The following MACROD1 variants were observed in gnomAD, a reference collection of about 807,000 sequenced individuals.
MACROD1 encodes the protein ADP-ribose glycohydrolase MACROD1.
A neutral mutation model predicts 41.4 loss-of-function variants in MACROD1; 31 were observed. The ratio of observed to expected loss-of-function variants is 0.75; its 90% CI spans 0.56 to 1.01. MACROD1 has a LOEUF of 1.01. MACROD1 is among the 50% of genes least tolerant of loss of function. The pLI is 0.00. For missense variants in MACROD1, 473 were observed against 460.0 expected (o/e 1.03, Z -0.26); for synonymous variants, 252 against 203.4 (o/e 1.24, Z -2.03).
At chr11:64,068,901 G>C (rs1944055001) in intron 3 of MACROD1, among the ~76,000 whole-genome samples, 1 of 152,250 alleles carries the variant, frequency 6.6e-6, no homozygotes, top group African/African-American at 2.4e-5. Flanking sequence ...GACTTGGCGG[G>C]AAATGGGCAT....
intron 3 of MACROD1, among the ~76,000 whole-genome samples, chr11:64,100,542 G>A: frequency 6.6e-6 from 1 of 152,208 alleles, no homozygotes; most frequent in Non-Finnish European, 1.5e-5. Context: ...GAGCCAGAAG[G>A]GTGGCCACTG....
intron 3 of MACROD1, among the ~76,000 whole-genome samples, chr11:64,143,901 C>G (rs1413799839): frequency 6.6e-6 from 1 of 151,988 alleles, no homozygotes; most frequent in Non-Finnish European, 1.5e-5. Flanking sequence ...CTCTGAGCCT[C>G]CATTTCACCA....
chr11:64,102,805 C>T (rs1944693255), intron 3 of MACROD1, among the ~76,000 whole-genome samples: 1 of 152,160 alleles, frequency 6.6e-6, no homozygotes, highest in Admixed American at 6.5e-5. Context: ...TACAGTGGCT[C>T]ATGCCTGTAA....
chr11:64,050,049 T>G (rs1308595601), intron 3 of MACROD1, among the ~76,000 whole-genome samples: 1 of 152,132 alleles, frequency 6.6e-6, no homozygotes, highest in East Asian at 1.9e-4. Context: ...AAAGTGATGA[T>G]GAGGGTGATG....
chr11:64,044,638 G>C (rs939901893), intron 3 of MACROD1, among the ~76,000 whole-genome samples: 1 of 152,206 alleles, frequency 6.6e-6, no homozygotes, highest in Non-Finnish European at 1.5e-5. Context: ...AGGTCACACA[G>C]AGGAAGGGGA....
At chr11:64,124,565 CTG>C (rs1327512357) in intron 3 of MACROD1, among the ~76,000 whole-genome samples, 1 of 152,218 alleles carries the variant, frequency 6.6e-6, no homozygotes, top group East Asian at 1.9e-4. Flanking sequence ...CATTTTTAAT[CTG>C]TGGGTTTTCC....
In MACROD1 at chr11:63,998,666, G is replaced by A. The variant is rs142131096; in HGVS notation, c.*52C>T. ...GGCTTTGGCGACCTCTCAGAGCTGG[G>A]AGCGGGGTCCCGAAGGCGGGTCTGA... On this transcript the variant is annotated 3_prime_UTR_variant, in exon 11 of 11. Transcript: ENST00000255681. 8 of 1,337,834 alleles carry A rather than the reference G, an allele frequency of 6.0e-6. No homozygotes were observed. Among genetic ancestry groups the A allele is most frequent in the Non-Finnish European group, 7.6e-6 (8 of 1,047,954 alleles). The allele number at this position is 1,337,834 out of a possible 1,614,324, so 82.9% of individuals were successfully genotyped here.
chr11:64,122,296 C>T lies in MACROD1; in HGVS notation c.517+28943G>A, dbSNP rs2134637364. Reference sequence around the variant, plus strand: ...ACATGGTGCATGCGGCGGCCAGGGGCCTCCCTGACACAGGGCCAGGATGCA... The same window carrying T: ...ACATGGTGCATGCGGCGGCCAGGGGTCTCCCTGACACAGGGCCAGGATGCA... On this transcript the variant is annotated intron_variant, in intron 3 of 10. Coordinates refer to ENST00000255681, the MANE Select transcript of MACROD1 (RefSeq NM_014067.4). The surrounding 1 kb of genome is among the most constrained non-coding windows in gnomAD (Gnocchi z 4.0). Among the ~76,000 whole-genome samples, 1 of 152,342 alleles carries T rather than the reference C, an allele frequency of 6.6e-6. No homozygotes were observed. The highest frequency in any genetic ancestry group is 1.5e-5 in the Non-Finnish European group (1 of 68,014).
chr11:64,079,177 G>C (rs1226612511), intron 3 of MACROD1, among the ~76,000 whole-genome samples: 1 of 152,152 alleles, frequency 6.6e-6, no homozygotes, highest in Non-Finnish European at 1.5e-5. Flanking sequence ...ACTTGCTGAC[G>C]ACTGTGTGTG....
At chr11:64,111,696 C>G (rs1944866026) in intron 3 of MACROD1, among the ~76,000 whole-genome samples, 1 of 152,162 alleles carries the variant, frequency 6.6e-6, no homozygotes, top group African/African-American at 2.4e-5. Flanking sequence ...ACCCCACCAC[C>G]TAGGCTTTTC....
intron 1 of MACROD1, among the ~76,000 whole-genome samples, chr11:64,161,650 T>C (rs1043011201): frequency 2.0e-5 from 3 of 152,194 alleles, no homozygotes; most frequent in African/African-American, 7.2e-5. Flanking sequence ...AAAAATACAC[T>C]TGGCCAGGCA....
intron 3 of MACROD1, among the ~76,000 whole-genome samples, chr11:64,132,255 G>C (rs1446271321): frequency 1.3e-5 from 2 of 152,108 alleles, no homozygotes; most frequent in Non-Finnish European, 2.9e-5. Flanking sequence ...GCTGGCTTTG[G>C]GGGGATTAAG....
In MACROD1 at chr11:63,999,710, C is replaced by A. The variant is rs1220055380; in HGVS notation, c.718G>T (p.Ala240Ser). The change falls in exon 6 of 11, where the codon GCT (alanine) becomes TCT (serine). Residue 240 changes from alanine to serine, a missense_variant. By Grantham distance (99) the Ala-to-Ser change is moderately conservative (BLOSUM62 1). Coordinates refer to ENST00000255681, the MANE Select transcript of MACROD1 (RefSeq NM_014067.4). ...AGGTAGCAGCTGCGGAGCTCGGCAGCCTGACTGGCGCTGGGCTCCCCGTAG... is the reference window on the plus strand; with the variant it reads ...AGGTAGCAGCTGCGGAGCTCGGCAGACTGACTGGCGCTGGGCTCCCCGTAG... ...IAYGEPSASQ[A>S]AELRSCYLSS... is the part of the protein sequence containing the mutation. 3 of 1,608,898 alleles carry A rather than the reference C, an allele frequency of 1.9e-6. No homozygotes were observed. The highest frequency in any genetic ancestry group is 1.1e-5 in the South Asian group (1 of 90,498).
chr11:64,071,019 G>T (rs999859484), intron 3 of MACROD1, among the ~76,000 whole-genome samples: 1 of 152,112 alleles, frequency 6.6e-6, no homozygotes, highest in South Asian at 2.1e-4. Flanking sequence ...AGTTCACAGA[G>T]CGGCCATACT....
intron 3 of MACROD1, among the ~76,000 whole-genome samples, chr11:64,024,736 G>T (rs1943203090): frequency 6.6e-6 from 1 of 152,210 alleles, no homozygotes; most frequent in Non-Finnish European, 1.5e-5. Context: ...GAGAAGATGA[G>T]GGAGGAGTTG....
rs78116212 is a variant in MACROD1 at position 64,037,100 on chromosome 11, A to C, written c.518-21819T>G. ...GGGTGTGCCAGGCCCCCGAGGCCCA[A>C]GCCAGAGCTCTGATGTGAATAAATA... On this transcript the variant is annotated intron_variant, in intron 3 of 10. Coordinates refer to ENST00000255681, the MANE Select transcript of MACROD1 (RefSeq NM_014067.4). 2.7e-3 allele frequency among the ~76,000 whole-genome samples: 414 copies of C among 152,220 alleles called. 4 individuals carry two copies. The highest frequency in any genetic ancestry group is 8.9e-3 in the African/African-American group (368 of 41,544).
intron 1 of MACROD1, among the ~76,000 whole-genome samples, chr11:64,160,895 G>A (rs1474607324): frequency 2.0e-5 from 3 of 151,784 alleles, no homozygotes; most frequent in Admixed American, 6.6e-5. Flanking sequence ...AGTGGGGGCC[G>A]GGATGGTGGC....
At chr11:64,125,015 C>T (rs1945157321) in intron 3 of MACROD1, among the ~76,000 whole-genome samples, 2 of 152,188 alleles carry the variant, frequency 1.3e-5, no homozygotes, top group African/African-American at 2.4e-5. Flanking sequence ...CCCCCGGAGA[C>T]CCCTGCCTGG....
At chr11:64,007,189 G>A (rs906792960) in intron 4 of MACROD1, among the ~76,000 whole-genome samples, 3 of 152,220 alleles carry the variant, frequency 2.0e-5, no homozygotes, top group African/African-American at 7.2e-5. Flanking sequence ...AAATGCGTAC[G>A]AGGGCTCGGG....
Sources: allele counts gnomAD v4.1 joint callset (sites outside exome capture counted in the v4.1 genomes callset), GRCh38; gene constraint gnomAD v4.1.1; non-coding constraint Gnocchi (gnomAD v3.1); transcripts MANE v1.5; gene names NCBI Gene and HGNC (gene_info 2026-07-23, HGNC 2026-07-21).